Variants in RBFOX2 observed in about 807,000 individuals in gnomAD.
RBFOX2 encodes RNA binding fox-1 homolog 2, also known as RNA binding protein fox-1 homolog 2.
RBFOX2 carries 10 observed loss-of-function variants against 49.1 expected under a neutral mutation model. That is an observed-to-expected ratio of 0.20 (90% CI 0.13 to 0.35). The LOEUF (loss-of-function observed/expected upper bound fraction) is 0.35. Among genes scored for constraint, RBFOX2 ranks in the 10% least tolerant of loss-of-function variants. The pLI is 1.00. For synonymous variants in RBFOX2, 183 were observed against 187.4 expected (o/e 0.98, Z 0.19); for missense variants, 323 against 486.9 (o/e 0.66, Z 3.17).
intron 1 of RBFOX2, among the ~76,000 whole-genome samples, chr22:35,934,166 TA>T (rs60959348): frequency 2.3e-4 from 32 of 141,792 alleles, no homozygotes; most frequent in African/African-American, 2.3e-4. Flanking sequence ...TGTTCCTCTT[TA>T]AAAAAAAAAA....
intron 2 of RBFOX2, among the ~76,000 whole-genome samples, chr22:35,798,317 C>A (rs1480931030): frequency 6.6e-6 from 1 of 152,194 alleles, no homozygotes; most frequent in East Asian, 1.9e-4. Context: ...TCATTGAGGG[C>A]AGGGGCTTTA....
Position 35,823,905 on chromosome 22 carries a change from T to C in RBFOX2, c.28-13901A>G, listed in dbSNP as rs183265636. 1.4e-4 allele frequency among the ~76,000 whole-genome samples: 22 copies of C among 152,194 alleles called. No individual in the cohort carries two copies. The East Asian group carries it at 4.2e-3, about 29-fold the overall frequency. On this transcript the variant is annotated intron_variant, in intron 1 of 11. Transcript: ENST00000405409. ...TGGCTCACGCCTGTAATCCCAGCAC[T>C]GTGGAAGGCCGAGGCGGGTGGATCA...
chr22:35,949,062 A>G (rs1198650737), intron 1 of RBFOX2, among the ~76,000 whole-genome samples: 1 of 152,172 alleles, frequency 6.6e-6, no homozygotes, highest in Non-Finnish European at 1.5e-5. Context: ...ATAGTCAAAC[A>G]ATATTTATTT....
chr22:35,803,179 C>T (rs750660924), intron 2 of RBFOX2, among the ~76,000 whole-genome samples: 5 of 151,778 alleles, frequency 3.3e-5, no homozygotes, highest in Admixed American at 6.6e-5. Context: ...CACACACACA[C>T]ATGCCCATCA....
chr22:35,846,331 TGTGTG>T (rs2041205633), intron 1 of RBFOX2, among the ~76,000 whole-genome samples: 5 of 1,916 alleles, frequency 2.6e-3, no homozygotes, highest in Admixed American at 0.025. Flanking sequence ...TTTATATAGT[TGTGTG>T]TGTGTGTGTG....
chr22:35,965,052 A>C (rs2056477176), upstream of RBFOX2, among the ~76,000 whole-genome samples: 1 of 152,220 alleles, frequency 6.6e-6, no homozygotes, highest in African/African-American at 2.4e-5. Flanking sequence ...GAACAAATAA[A>C]TAGAGCTATG....
chr22:35,745,821 G>T, intron 11 of RBFOX2, 102 bp downstream of exon 13: 2 of 1,185,596 alleles, frequency 1.7e-6, no homozygotes, highest in Non-Finnish European at 2.5e-6. Context: ...CCTTGATGGT[G>T]GATGAAAGGC....
exon 1 of RBFOX2, chr22:36,028,554 G>A (rs981572258): frequency 5.1e-5 from 45 of 879,526 alleles, no homozygotes; most frequent in Middle Eastern, 1.1e-3. Flanking sequence ...GTGCGTGCGT[G>A]CGCGCGAGCG....
chr22:35,901,766 C>T (rs1388012271), intron 1 of RBFOX2, among the ~76,000 whole-genome samples: 1 of 152,132 alleles, frequency 6.6e-6, no homozygotes, highest in Non-Finnish European at 1.5e-5. Context: ...AAACCCAGAG[C>T]TACCACCCCT....
upstream of RBFOX2, among the ~76,000 whole-genome samples, chr22:35,962,056 A>G (rs1603458942): frequency 6.6e-6 from 1 of 152,196 alleles, no homozygotes; most frequent in East Asian, 1.9e-4. Flanking sequence ...AAGAGAACAA[A>G]AAACTATGCA....
intron 9 of RBFOX2, among the ~76,000 whole-genome samples, chr22:35,750,915 T>C (rs1257713485): frequency 6.6e-6 from 1 of 152,258 alleles, no homozygotes; most frequent in Non-Finnish European, 1.5e-5. Flanking sequence ...AAGTTGGCTT[T>C]AAGATCCTTT....
intron 2 of RBFOX2, among the ~76,000 whole-genome samples, chr22:35,793,563 C>T (rs1182457337): frequency 6.6e-6 from 1 of 151,970 alleles, no homozygotes; most frequent in Non-Finnish European, 1.5e-5. Flanking sequence ...CTTCATGGTG[C>T]TAAAATAATA....
At chr22:36,005,493 G>A (rs907842263) in intron 1 of RBFOX2, among the ~76,000 whole-genome samples, 2 of 152,186 alleles carry the variant, frequency 1.3e-5, no homozygotes, top group East Asian at 3.8e-4. Context: ...GGCACTTTGT[G>A]AGGACTGACA....
intron 1 of RBFOX2, among the ~76,000 whole-genome samples, chr22:35,853,284 CCT>C (rs1166734733): frequency 7.0e-6 from 1 of 141,926 alleles, no homozygotes; most frequent in Non-Finnish European, 1.5e-5. Flanking sequence ...ACAAAGTGAG[CCT>C]CTGTCTAAAA....
At chr22:35,751,217 A>G (rs141100019) in intron 9 of RBFOX2, among the ~76,000 whole-genome samples, 2 of 152,240 alleles carry the variant, frequency 1.3e-5, no homozygotes, top group Non-Finnish European at 2.9e-5. Context: ...TAATTTTATT[A>G]TATTTTTGTT....
At chr22:35,824,511 A>G (rs1465401048) in intron 1 of RBFOX2, 2 of 152,236 alleles carry the variant, frequency 1.3e-5, no homozygotes, top group Non-Finnish European at 2.9e-5. Context: ...AGTGATTACA[A>G]CATTGAATCC....
chr22:35,840,416 C>T (rs946065460), exon 1 of RBFOX2: 59 of 1,477,770 alleles, frequency 4.0e-5, no homozygotes, highest in Non-Finnish European at 5.2e-5. Context: ...AGTCTCTCCC[C>T]CTCCTTCTTT....
intron 1 of RBFOX2, among the ~76,000 whole-genome samples, chr22:36,024,392 G>A (rs932941409): frequency 7.2e-5 from 11 of 152,264 alleles, no homozygotes; most frequent in African/African-American, 1.4e-4. Context: ...GAGTAGGATC[G>A]GAATGGTGTG....
chr22:35,976,344 C>T (rs73161722), intron 1 of RBFOX2, among the ~76,000 whole-genome samples: 51 of 151,860 alleles, frequency 3.4e-4, no homozygotes, highest in Middle Eastern at 3.4e-3. Context: ...CCACCCCCCC[C>T]TCTTAATTCT....
Sources: gnomAD v4.1 joint callset for allele counts (sites outside exome capture counted in the v4.1 genomes callset) on GRCh38, gnomAD v4.1.1 for gene constraint, MANE v1.5 for transcripts, NCBI Gene and HGNC (gene_info 2026-07-23, HGNC 2026-07-21) for gene names.